The following CCDC91 variants were observed in gnomAD, a reference collection of about 807,000 sequenced individuals.
The protein encoded by CCDC91 is coiled-coil domain-containing protein 91.
CCDC91 carries 48 observed loss-of-function variants against 63.2 expected under a neutral mutation model. The observed-to-expected ratio is 0.76, with a 90% confidence interval of 0.60 to 0.97. The LOEUF is 0.97. Ranked by LOEUF, CCDC91 falls within the 50% of genes least tolerant of loss-of-function variation. The pLI, the probability that CCDC91 is intolerant of heterozygous loss-of-function variation, is 0.00. For synonymous variants in CCDC91, 167 were observed against 165.8 expected (o/e 1.01, Z -0.06); for missense variants, 500 against 494.6 (o/e 1.01, Z -0.10).
In CCDC91 at chr12:28,539,836, T is replaced by TA. The variant is rs540100202; in HGVS notation, c.1216-9227_1216-9226insA. On this transcript the variant is annotated intron_variant, in intron 12 of 12. Coordinates refer to ENST00000536442, the MANE Select transcript of CCDC91 (RefSeq NM_018318.5). ...TTTAAAATGTGCCAGATAGATGGTA[T>TA]TATTTTTGTTTGTTTGTTTAAGACT... Among the ~76,000 whole-genome samples the TA allele has an allele frequency of 8.5e-4, 129 of 152,254 alleles. 1 individual carries two copies. Among genetic ancestry groups the TA allele is most frequent in the African/African-American group, 2.8e-3 (116 of 41,570 alleles).
At chr12:28,536,566 G>A (rs1391350217) in intron 12 of CCDC91, among the ~76,000 whole-genome samples, 2 of 152,246 alleles carry the variant, frequency 1.3e-5, no homozygotes, top group South Asian at 2.1e-4. Flanking sequence ...ATTTAGACAA[G>A]TACTTTAACC....
intron 8 of CCDC91, among the ~76,000 whole-genome samples, chr12:28,409,002 T>G (rs899617702): frequency 4.6e-5 from 7 of 152,138 alleles, no homozygotes; most frequent in Non-Finnish European, 7.4e-5. Flanking sequence ...TTTTGTAGGG[T>G]TTATAGAATT....
intron 3 of CCDC91, among the ~76,000 whole-genome samples, chr12:28,284,295 C>G (rs1948779806): frequency 6.6e-6 from 1 of 152,154 alleles, no homozygotes; most frequent in African/African-American, 2.4e-5. Flanking sequence ...TCTGGACTGT[C>G]TAGCACCCTT....
At chr12:28,295,656 A>G (rs1198187726) in intron 3 of CCDC91, among the ~76,000 whole-genome samples, 1 of 152,114 alleles carries the variant, frequency 6.6e-6, no homozygotes, top group Non-Finnish European at 1.5e-5. Flanking sequence ...TGTATTTTGA[A>G]TAAGTGATTA....
chr12:28,535,469 T>C (rs1479244772), intron 12 of CCDC91, among the ~76,000 whole-genome samples: 1 of 152,216 alleles, frequency 6.6e-6, no homozygotes, highest in Non-Finnish European at 1.5e-5. Flanking sequence ...CATGAATTAA[T>C]TGGATCCTCA....
At chr12:28,482,787 A>G (rs1951516141) in intron 11 of CCDC91, among the ~76,000 whole-genome samples, 1 of 151,942 alleles carries the variant, frequency 6.6e-6, no homozygotes, top group Non-Finnish European at 1.5e-5. Context: ...GAATTGGTCC[A>G]AAGTAAATAT....
In CCDC91 at chr12:28,306,746, A is replaced by G; in HGVS notation, c.272A>G (p.Gln91Arg). The G allele has an allele frequency of 6.2e-7, 1 of 1,600,646 alleles. No individual in the cohort carries two copies. The highest frequency in any genetic ancestry group is 1.7e-5 in the Admixed American group (1 of 58,476). ...VSQTIPKAQI[Q>R]QSTHTHLDIS... ...TTTTTTTTTTATGTGGTTTAGATTCAGCAATCAACACACACTCATCTGGAT... is the reference window on the plus strand; with the variant it reads ...TTTTTTTTTTATGTGGTTTAGATTCGGCAATCAACACACACTCATCTGGAT... Residue 91 changes from glutamine to arginine, a missense_variant, in exon 5 of 13, where the codon CAG (glutamine) becomes CGG (arginine). Coordinates refer to ENST00000536442, the MANE Select transcript of CCDC91 (RefSeq NM_018318.5).
Position 28,357,109 on chromosome 12 carries a change from C to T in CCDC91, c.577-5329C>T, listed in dbSNP as rs1254414780. Among the ~76,000 whole-genome samples the T allele has an allele frequency of 7.9e-5, 12 of 152,232 alleles. No individual in the cohort carries two copies. The East Asian group carries it at 1.2e-3, about 15-fold the overall frequency. On this transcript the variant is annotated intron_variant, in intron 6 of 12. Transcript: ENST00000536442. ...AAAGCCTTGGTTCAGATATTCATATCGTGTATTGTCATCAATATACCAGTG... is the reference window on the plus strand; with the variant it reads ...AAAGCCTTGGTTCAGATATTCATATTGTGTATTGTCATCAATATACCAGTG...
intron 2 of CCDC91, 44 bp from the exon 3 acceptor site, chr12:28,259,320 C>A: frequency 7.1e-7 from 1 of 1,412,924 alleles, no homozygotes; most frequent in Non-Finnish European, 1.0e-6. Flanking sequence ...AATAGCATTT[C>A]TGCTTTTCAC....
intron 6 of CCDC91, among the ~76,000 whole-genome samples, chr12:28,322,074 G>T (rs1940562589): frequency 1.3e-5 from 2 of 151,672 alleles, no homozygotes; most frequent in Non-Finnish European, 2.9e-5. Flanking sequence ...GCTAAGAAAT[G>T]ACTTCTACCC....
In CCDC91 at chr12:28,549,115, C is replaced by T; in HGVS notation, c.1268C>T (p.Ser423Phe). ...CTGTCCAGTTTGGAACTGTTCCTCTCCTGTGCACAGAAACAGTTAAGTGCT... is the reference window on the plus strand; with the variant it reads ...CTGTCCAGTTTGGAACTGTTCCTCTTCTGTGCACAGAAACAGTTAAGTGCT... ...RSLSSLELFL[S>F]CAQKQLSALI... is the part of the protein sequence containing the mutation. Residue 423 changes from serine (S) to phenylalanine (F), a missense_variant, in exon 13 of 13, where the codon TCC becomes TTC. Physicochemically the swap from Ser to Phe is radical, Grantham distance 155 (BLOSUM62 -2). Transcript: ENST00000536442. 2 of 1,612,954 alleles carry T rather than the reference C, an allele frequency of 1.2e-6. No homozygotes were observed. The highest frequency in any genetic ancestry group is 1.7e-6 in the Non-Finnish European group (2 of 1,179,220).
chr12:28,207,162 A>T (rs1201055405), intron 1 of CCDC91, among the ~76,000 whole-genome samples: 1 of 152,238 alleles, frequency 6.6e-6, no homozygotes, highest in East Asian at 1.9e-4. Context: ...GGAAGAAAAT[A>T]TTCAAAGATA....
At chr12:28,253,520 G>A (rs974811063) in intron 1 of CCDC91, among the ~76,000 whole-genome samples, 1 of 152,144 alleles carries the variant, frequency 6.6e-6, no homozygotes, top group African/African-American at 2.4e-5. Flanking sequence ...TCTTAATTTT[G>A]AGTTTCGGTT....
At chr12:28,205,788 A>C (rs1942799840) in intron 1 of CCDC91, among the ~76,000 whole-genome samples, 1 of 152,232 alleles carries the variant, frequency 6.6e-6, no homozygotes. Flanking sequence ...CAGTCTTGTC[A>C]ACCTATTAAG....
rs971091638 is a variant in CCDC91, at chr12:28,209,219, A to G, written c.-15+18578A>G. Among the ~76,000 whole-genome samples, 8 of 152,334 alleles carry G rather than the reference A, an allele frequency of 5.3e-5. No individual in the cohort carries two copies. The South Asian group carries it at 1.0e-3, about 20-fold the overall frequency. On this transcript the variant is annotated intron_variant, in intron 1 of 12. Coordinates refer to ENST00000536442, the MANE Select transcript of CCDC91 (RefSeq NM_018318.5). ...AATTTTTAATAAACCTTATAAACAAATCAATTCAATCTTGGTTTGACCATA... is the reference window on the plus strand; with the variant it reads ...AATTTTTAATAAACCTTATAAACAAGTCAATTCAATCTTGGTTTGACCATA...
intron 1 of CCDC91, chr12:28,256,787 A>G (rs1379535077): frequency 6.5e-6 from 1 of 154,862 alleles, no homozygotes; most frequent in African/African-American, 2.4e-5. Flanking sequence ...AAACCGAGGG[A>G]AGAACCTTTG....
intron 8 of CCDC91, among the ~76,000 whole-genome samples, chr12:28,425,148 A>G (rs1239430331): frequency 1.3e-5 from 2 of 152,118 alleles, no homozygotes; most frequent in East Asian, 1.9e-4. Context: ...TGCACAGCCA[A>G]TACATTGTAG....
chr12:28,445,893 A>G (rs539264266), intron 8 of CCDC91, among the ~76,000 whole-genome samples: 1 of 152,262 alleles, frequency 6.6e-6, no homozygotes, highest in Non-Finnish European at 1.5e-5. Flanking sequence ...CTGCTATCAC[A>G]TTGGGGATTA....
intron 8 of CCDC91, among the ~76,000 whole-genome samples, chr12:28,437,735 A>G (rs993540517): frequency 6.6e-6 from 1 of 152,102 alleles, no homozygotes; most frequent in Non-Finnish European, 1.5e-5. Flanking sequence ...CACTGGTTTC[A>G]ACACTTTTCA....
Sources: gnomAD v4.1 joint callset for allele counts (sites outside exome capture counted in the v4.1 genomes callset) on GRCh38, gnomAD v4.1.1 for gene constraint, MANE v1.5 for transcripts, NCBI Gene and HGNC (gene_info 2026-07-23, HGNC 2026-07-21) for gene names.